Variants in GMDS observed in about 807,000 individuals in gnomAD.
GMDS encodes GDP-mannose 4,6 dehydratase.
In GMDS, 20 loss-of-function variants were observed where a neutral mutation model predicts 49.9. That is an observed-to-expected ratio of 0.40 (90% confidence interval 0.28 to 0.58). GMDS has a LOEUF of 0.58. Among genes scored for constraint, GMDS ranks in the 20% least tolerant of loss-of-function variants. The probability of loss-of-function intolerance (pLI) is 0.42; values close to 1 mark genes in which losing one functional copy is unlikely to be tolerated. For missense variants in GMDS, 362 were observed against 481.4 expected (o/e 0.75, Z 2.32); for synonymous variants, 177 against 178.6 (o/e 0.99, Z 0.07).
intron 2 of GMDS, among the ~76,000 whole-genome samples, chr6:2,121,483 A>G (rs1011736386): frequency 6.6e-6 from 1 of 152,316 alleles, no homozygotes; most frequent in East Asian, 1.9e-4. Flanking sequence ...GTCACTTCTC[A>G]GTGAGAAGTA....
chr6:1,849,203 A>G (rs1757547099), intron 7 of GMDS, among the ~76,000 whole-genome samples: 1 of 152,232 alleles, frequency 6.6e-6, no homozygotes, highest in African/African-American at 2.4e-5. Context: ...TGCTTGATAC[A>G]CTTCTATTAT....
rs903874265 is a variant in GMDS at position 2,088,710 on chromosome 6, A to T, written c.345+27061T>A. On this transcript the variant is annotated intron_variant, in intron 4 of 10. Coordinates refer to ENST00000380815, the MANE Select transcript of GMDS (RefSeq NM_001500.4). ...ATACTCCACCTGGCAAGAGAGGAAA[A>T]TCCAGGCCTCATGTCATGCCCTAAG... Among the ~76,000 whole-genome samples the T allele has an allele frequency of 5.9e-5, 9 of 151,680 alleles. No homozygotes were observed. In the South Asian group the frequency reaches 1.5e-3, roughly 25 times the overall value.
chr6:1,646,928 A>G (rs1000995218), intron 9 of GMDS, among the ~76,000 whole-genome samples: 2 of 152,162 alleles, frequency 1.3e-5, no homozygotes, highest in African/African-American at 2.4e-5. Flanking sequence ...GAGGGGGCCT[A>G]CTGGGCTCAC....
chr6:1,817,864 G>A (rs942910557), intron 7 of GMDS, among the ~76,000 whole-genome samples: 5 of 152,080 alleles, frequency 3.3e-5, no homozygotes, highest in Non-Finnish European at 5.9e-5. Context: ...AGTACGGTAA[G>A]GAAGATTATA....
intron 7 of GMDS, among the ~76,000 whole-genome samples, chr6:1,749,739 T>C (rs1767650193): frequency 6.6e-6 from 1 of 152,244 alleles, no homozygotes; most frequent in Non-Finnish European, 1.5e-5. Context: ...TTTTTAGGAC[T>C]GAAATTATTT....
chr6:1,631,806 TGACCACATCCA>T (rs1763011185), intron 9 of GMDS, among the ~76,000 whole-genome samples: 1 of 152,216 alleles, frequency 6.6e-6, no homozygotes, highest in Non-Finnish European at 1.5e-5. Context: ...GCCAAACACC[TGACCACATCCA>T]GATTCTTGCT....
chr6:1,634,814 C>T (rs1223377504), intron 9 of GMDS, among the ~76,000 whole-genome samples: 2 of 151,696 alleles, frequency 1.3e-5, no homozygotes, highest in Non-Finnish European at 2.9e-5. Context: ...GGCCTGGACA[C>T]GAGGGGTGGG....
chr6:1,739,489 G>A (rs939952433), intron 8 of GMDS, among the ~76,000 whole-genome samples: 6 of 152,220 alleles, frequency 3.9e-5, no homozygotes, highest in Non-Finnish European at 5.9e-5. Flanking sequence ...CTGCTCCCCC[G>A]CATTCAAACA....
At chr6:1,708,455 C>T (rs531297675) in intron 9 of GMDS, among the ~76,000 whole-genome samples, 18 of 152,348 alleles carry the variant, frequency 1.2e-4, no homozygotes, top group African/African-American at 3.1e-4. Flanking sequence ...ACATGCCACA[C>T]GGTGGGTCCA....
rs575775549 is a variant in GMDS at position 1,971,034 on chromosome 6, G to A, written c.346-10068C>T. Among the ~76,000 whole-genome samples the A allele has an allele frequency of 2.6e-5, 4 of 152,130 alleles. No homozygotes were observed. In the South Asian group the frequency reaches 8.3e-4, roughly 32 times the overall value. ...GGGAGTGGGGGTTTGGAAAGGTGAG[G>A]ATGAGACATTCTAAAGGGGGCAGTG... is the stretch of plus-strand genomic sequence containing the variant. On this transcript the variant is annotated intron_variant, in intron 4 of 10. Coordinates refer to ENST00000380815, the MANE Select transcript of GMDS (RefSeq NM_001500.4).
chr6:1,957,512 A>G (rs1304525496), intron 6 of GMDS, among the ~76,000 whole-genome samples: 1 of 152,240 alleles, frequency 6.6e-6, no homozygotes, highest in South Asian at 2.1e-4. Flanking sequence ...TTATTTGATC[A>G]TATAGTTAAA....
At chr6:2,194,080 A>C (rs1779177531) in intron 1 of GMDS, among the ~76,000 whole-genome samples, 1 of 152,094 alleles carries the variant, frequency 6.6e-6, no homozygotes, top group African/African-American at 2.4e-5. Flanking sequence ...GTCTTTCTCA[A>C]TTCAGCATGA....
At chr6:2,119,745 TAATC>T (rs1249153869) in intron 2 of GMDS, among the ~76,000 whole-genome samples, 2 of 152,188 alleles carry the variant, frequency 1.3e-5, no homozygotes, top group Non-Finnish European at 2.9e-5. Context: ...TATATAAACT[TAATC>T]AAAATCATTA....
intron 7 of GMDS, among the ~76,000 whole-genome samples, chr6:1,754,676 C>T (rs1238624817): frequency 6.6e-6 from 1 of 152,154 alleles, no homozygotes; most frequent in Admixed American, 6.6e-5. Context: ...AAAGCTTATC[C>T]ACCACGATCA....
intron 7 of GMDS, among the ~76,000 whole-genome samples, chr6:1,846,388 C>T (rs931053531): frequency 6.6e-6 from 1 of 151,894 alleles, no homozygotes; most frequent in African/African-American, 2.4e-5. Flanking sequence ...CCACTGTGTC[C>T]AGCCAGACAC....
chr6:1,875,344 A>G (rs1278605319), intron 7 of GMDS, among the ~76,000 whole-genome samples: 1 of 151,130 alleles, frequency 6.6e-6, no homozygotes, highest in African/African-American at 2.4e-5. Flanking sequence ...ACACACACAC[A>G]CACACACGGA....
intron 1 of GMDS, among the ~76,000 whole-genome samples, chr6:2,150,006 T>C (rs1359626115): frequency 6.6e-6 from 1 of 152,212 alleles, no homozygotes; most frequent in East Asian, 1.9e-4. Context: ...GGTTGAGTCC[T>C]GATATTTTTA....
chr6:1,958,820 G>A (rs972493028), intron 6 of GMDS, among the ~76,000 whole-genome samples: 1 of 152,144 alleles, frequency 6.6e-6, no homozygotes, highest in Non-Finnish European at 1.5e-5. Context: ...AAATGATAGC[G>A]AAATTTAATA....
At chr6:1,825,557 C>A (rs1260872295) in intron 7 of GMDS, among the ~76,000 whole-genome samples, 1 of 152,176 alleles carries the variant, frequency 6.6e-6, no homozygotes, top group African/African-American at 2.4e-5. Context: ...CACAAACCCA[C>A]ATAGTAGAGT....
Sources: gnomAD v4.1 joint callset for allele counts (sites outside exome capture counted in the v4.1 genomes callset) on GRCh38, gnomAD v4.1.1 for gene constraint, MANE v1.5 for transcripts, NCBI Gene and HGNC (gene_info 2026-07-23, HGNC 2026-07-21) for gene names.